The following MAP4K4 variants were observed in gnomAD, a reference collection of about 807,000 sequenced individuals.
MAP4K4 encodes the protein HPK/GCK-like kinase HGK.
Under a neutral mutation model 189.6 loss-of-function variants are expected in MAP4K4, and 38 were observed. That is an observed-to-expected ratio of 0.20 (90% CI 0.15 to 0.26). The LOEUF (loss-of-function observed/expected upper bound fraction) is 0.26. MAP4K4 is among the 10% of genes least tolerant of loss of function. MAP4K4 has a pLI of 1.00. For synonymous variants in MAP4K4, 610 were observed against 624.3 expected, an observed-to-expected ratio of 0.98 and a Z score of 0.34; for missense variants, 1,054 against 1,726.9, an observed-to-expected ratio of 0.61 and a Z score of 6.91.
intron 27 of MAP4K4, among the ~76,000 whole-genome samples, chr2:101,877,656 A>G (rs905898260): frequency 1.3e-5 from 2 of 148,938 alleles, no homozygotes; most frequent in Non-Finnish European, 3.0e-5. Context: ...TTGTACTTGC[A>G]AAAGGAAGTA....
chr2:101,797,336 T>A, intron 3 of MAP4K4: 1 of 1,290,858 alleles, frequency 7.7e-7, no homozygotes, highest in African/African-American at 1.5e-5. Flanking sequence ...TCCCTGTGCT[T>A]TGCATGACTC....
intron 2 of MAP4K4, among the ~76,000 whole-genome samples, chr2:101,742,076 G>T (rs895702752): frequency 1.3e-5 from 2 of 152,208 alleles, no homozygotes; most frequent in African/African-American, 4.8e-5. Flanking sequence ...CAGGAGGGCT[G>T]TGTGACCTGG....
chr2:101,870,374 G>A (rs2150028294), exon 23 of MAP4K4: 1 of 1,613,654 alleles, frequency 6.2e-7, no homozygotes, highest in Admixed American at 1.7e-5. Context: ...AAGTGAGCCG[G>A]CCATGACCCC....
rs148753577 is a variant in MAP4K4 at position 101,715,774 on chromosome 2, C to G, written c.123+17236C>G. On this transcript the variant is annotated intron_variant, in intron 2 of 32. Transcript: ENST00000324219. ...CCGACTTCTGAGTTTCAGACAAGTA[C>G]TGGTCCTTGACCTAATAGGAGCCAG... Among the ~76,000 whole-genome samples the G allele has an allele frequency of 4.2e-3, 637 of 152,262 alleles. 4 individuals are homozygous for G. Among genetic ancestry groups the G allele is most frequent in the African/African-American group, 0.015 (610 of 41,552 alleles).
At chr2:101,788,847 C>T (rs2092284651) in intron 2 of MAP4K4, among the ~76,000 whole-genome samples, 1 of 151,588 alleles carries the variant, frequency 6.6e-6, no homozygotes, top group South Asian at 2.1e-4. Context: ...CTCCTTATGG[C>T]TTTATTTATG....
At chr2:101,759,573 CCTCTCTCCCCTCCCCATT>C (rs1558774763) in intron 2 of MAP4K4, among the ~76,000 whole-genome samples, 5 of 29,162 alleles carry the variant, frequency 1.7e-4, no homozygotes, top group East Asian at 1.5e-3. Context: ...CCATTCCCCT[CCTCTCTCCCCTCCCCATT>C]CACCTCCCCA....
intron 3 of MAP4K4, among the ~76,000 whole-genome samples, chr2:101,807,860 A>G (rs984461891): frequency 1.3e-5 from 2 of 152,258 alleles, no homozygotes; most frequent in Non-Finnish European, 2.9e-5. Context: ...ACCAGATCTC[A>G]TGAGAACTTC....
chr2:101,845,220 G>A (rs1041338723), intron 12 of MAP4K4, among the ~76,000 whole-genome samples: 1 of 151,570 alleles, frequency 6.6e-6, no homozygotes, highest in Admixed American at 6.6e-5. Flanking sequence ...ACGCACACAC[G>A]GTAAGGGATG....
intron 2 of MAP4K4, among the ~76,000 whole-genome samples, chr2:101,753,952 T>C (rs1329927237): frequency 6.6e-6 from 1 of 152,190 alleles, no homozygotes; most frequent in African/African-American, 2.4e-5. Context: ...GGTGGACAGC[T>C]AGCGCCTGGG....
At chr2:101,798,971 G>T (rs926195227) in intron 3 of MAP4K4, among the ~76,000 whole-genome samples, 2 of 152,082 alleles carry the variant, frequency 1.3e-5, no homozygotes, top group African/African-American at 2.4e-5. Context: ...AAAATTATTG[G>T]AGTGGTTAGG....
chr2:101,871,826 A>C (rs1039692110), intron 24 of MAP4K4, 141 bp downstream of exon 24: 3 of 713,986 alleles, frequency 4.2e-6, no homozygotes, highest in African/African-American at 1.8e-5. Flanking sequence ...CTTCTCCCCA[A>C]CCCCAAGTAA....
chr2:101,747,042 TGA>T (rs2065972317), intron 2 of MAP4K4, among the ~76,000 whole-genome samples: 3 of 152,186 alleles, frequency 2.0e-5, no homozygotes, highest in African/African-American at 7.2e-5. Flanking sequence ...GAGTGGACTA[TGA>T]GAGTTTAGGA....
At chr2:101,891,121 T>C in intron 32 of MAP4K4, 45 bp from the exon 33 acceptor site, 1 of 1,490,910 alleles carries the variant, frequency 6.7e-7, no homozygotes, top group Non-Finnish European at 9.4e-7. Context: ...CTGGAAGTGC[T>C]TCATGACCAT....
chr2:101,882,123 T>G (rs2098407262), intron 27 of MAP4K4, among the ~76,000 whole-genome samples: 1 of 152,240 alleles, frequency 6.6e-6, no homozygotes, highest in Non-Finnish European at 1.5e-5. Flanking sequence ...AACACTAGTT[T>G]CTGAAGTTTC....
intron 5 of MAP4K4, among the ~76,000 whole-genome samples, chr2:101,826,680 GTTT>G (rs1182655206): frequency 6.6e-6 from 1 of 152,104 alleles, no homozygotes; most frequent in Non-Finnish European, 1.5e-5. Context: ...TCAGACCTGG[GTTT>G]GAGTCCTACC....
At chr2:101,805,967 A>G (rs953355625) in intron 3 of MAP4K4, among the ~76,000 whole-genome samples, 4 of 152,082 alleles carry the variant, frequency 2.6e-5, no homozygotes, top group Non-Finnish European at 5.9e-5. Context: ...TGCTCCCTTA[A>G]GATGGTGTAG....
intron 31 of MAP4K4, among the ~76,000 whole-genome samples, chr2:101,888,211 A>G (rs1436401290): frequency 2.0e-5 from 3 of 152,192 alleles, no homozygotes; most frequent in South Asian, 2.1e-4. Flanking sequence ...AATATCGGAC[A>G]TGTTTTTGTT....
At chr2:101,843,177 A>G (rs531834882) in intron 11 of MAP4K4, among the ~76,000 whole-genome samples, 12 of 152,326 alleles carry the variant, frequency 7.9e-5, no homozygotes, top group Middle Eastern at 3.4e-3. Context: ...CATGAACCTC[A>G]TAATAACTGA....
intron 2 of MAP4K4, among the ~76,000 whole-genome samples, chr2:101,743,678 G>A (rs1317744251): frequency 1.3e-5 from 2 of 151,924 alleles, no homozygotes; most frequent in East Asian, 3.8e-4. Context: ...TCTTTTTTGA[G>A]ATGGAGTCTT....
Sources: gnomAD v4.1 joint callset for allele counts (sites outside exome capture counted in the v4.1 genomes callset) on GRCh38, gnomAD v4.1.1 for gene constraint, MANE v1.5 for transcripts, NCBI Gene and HGNC (gene_info 2026-07-23, HGNC 2026-07-21) for gene names.